The following POU6F2 variants were observed in gnomAD, a reference collection of about 807,000 sequenced individuals.
POU6F2 encodes POU domain, class 6, transcription factor 2.
In POU6F2, 31 loss-of-function variants were observed where a neutral mutation model predicts 71.3. That is an observed-to-expected ratio of 0.43 (90% confidence interval 0.33 to 0.59). The LOEUF is 0.59. Among genes scored for constraint, POU6F2 ranks in the 20% least tolerant of loss-of-function variants. The probability of loss-of-function intolerance (pLI) is 0.04; values close to 1 mark genes in which losing one functional copy is unlikely to be tolerated. For missense variants in POU6F2, 783 were observed against 856.8 expected, an observed-to-expected ratio of 0.91 and a Z score of 1.07; for synonymous variants, 347 against 355.7, an observed-to-expected ratio of 0.98 and a Z score of 0.27.
chr7:39,388,745 T>A (rs1787000337), intron 5 of POU6F2, among the ~76,000 whole-genome samples: 1 of 152,228 alleles, frequency 6.6e-6, no homozygotes, highest in South Asian at 2.1e-4. Flanking sequence ...TATTTTGCTG[T>A]CAAGTGCGTC....
intron 1 of POU6F2, among the ~76,000 whole-genome samples, chr7:38,992,378 C>T (rs936726920): frequency 8.5e-5 from 13 of 152,186 alleles, no homozygotes; most frequent in East Asian, 1.9e-4. Context: ...GGCTTCTCAG[C>T]CATGGTTCCT....
chr7:39,227,819 A>C (rs1482553216), intron 4 of POU6F2, among the ~76,000 whole-genome samples: 2 of 152,054 alleles, frequency 1.3e-5, no homozygotes, highest in Non-Finnish European at 2.9e-5. Flanking sequence ...GGCCTCCCAA[A>C]GTGCTGGGAT....
At chr7:39,085,585 T>A (rs147763699) in intron 1 of POU6F2, among the ~76,000 whole-genome samples, 1,627 of 152,192 alleles carry the variant, frequency 0.011, 34 homozygotes, top group African/African-American at 0.037. Flanking sequence ...AAGTTTTTTT[T>A]TTTTTTTTCC....
chr7:39,157,900 A>G (rs1377176633), intron 2 of POU6F2, among the ~76,000 whole-genome samples: 3 of 152,192 alleles, frequency 2.0e-5, no homozygotes, highest in Admixed American at 6.5e-5. Flanking sequence ...GTAAAAATGA[A>G]TGCTGGATGG....
intron 4 of POU6F2, among the ~76,000 whole-genome samples, chr7:39,269,467 G>T (rs1043099167): frequency 6.6e-6 from 1 of 152,216 alleles, no homozygotes; most frequent in African/African-American, 2.4e-5. Context: ...ACAGATGGTC[G>T]GCTGGGCGGC....
chr7:39,315,755 A>G (rs1785253165), intron 4 of POU6F2, among the ~76,000 whole-genome samples: 1 of 152,254 alleles, frequency 6.6e-6, no homozygotes, highest in Non-Finnish European at 1.5e-5. Flanking sequence ...AAAAGGAAAG[A>G]ATGAACACGT....
chr7:39,010,774 G>C (rs1290658180), intron 1 of POU6F2, among the ~76,000 whole-genome samples: 1 of 144,056 alleles, frequency 6.9e-6, no homozygotes, highest in East Asian at 2.0e-4. Flanking sequence ...CCTTCATTTC[G>C]TTATGTACCC....
rs1430980929 is a variant in POU6F2, at chr7:39,466,872, G to A, written c.*2186G>A. On this transcript the variant is annotated 3_prime_UTR_variant, in exon 10 of 10. Coordinates refer to ENST00000518318, the MANE Select transcript of POU6F2 (RefSeq NM_001370959.1). ...CCACCTCAAAAACTGCACAAACATG[G>A]ACAACCCAGAAACCCAAAACTTTAT... The A allele has an allele frequency of 6.6e-6, 1 of 152,264 alleles. No individual in the cohort carries two copies. The highest frequency in any genetic ancestry group is 1.5e-5 in the Non-Finnish European group (1 of 68,042). 9.4% of individuals were successfully genotyped at this position (152,264 alleles called of 1,614,324 possible). A position where few individuals can be genotyped will look rare whatever the true frequency, so the allele number is the denominator to read the frequency against.
chr7:39,077,977 G>A (rs1398663672), intron 1 of POU6F2, among the ~76,000 whole-genome samples: 3 of 152,164 alleles, frequency 2.0e-5, no homozygotes, highest in Admixed American at 6.5e-5. Flanking sequence ...CAGATGGCCT[G>A]GGGCAACACT....
At chr7:39,435,269 A>G (rs893246841) in intron 7 of POU6F2, among the ~76,000 whole-genome samples, 1 of 152,126 alleles carries the variant, frequency 6.6e-6, no homozygotes, top group Non-Finnish European at 1.5e-5. Flanking sequence ...ACATGTTCCT[A>G]TCTCTCCACA....
chr7:39,045,468 C>T (rs768041334), intron 1 of POU6F2, among the ~76,000 whole-genome samples: 16 of 151,808 alleles, frequency 1.1e-4, no homozygotes, highest in African/African-American at 1.5e-4. Context: ...ATCTGTTTGC[C>T]ATAAACCTTC....
At chr7:39,258,687 TTACTC>T (rs1023004367) in intron 4 of POU6F2, among the ~76,000 whole-genome samples, 1 of 147,206 alleles carries the variant, frequency 6.8e-6, no homozygotes, top group East Asian at 2.1e-4. Flanking sequence ...TTTTGGATTT[TTACTC>T]TAGATGTTTA....
At chr7:39,375,207 CAG>C (rs1337260740) in intron 5 of POU6F2, among the ~76,000 whole-genome samples, 3 of 152,114 alleles carry the variant, frequency 2.0e-5, no homozygotes, top group African/African-American at 4.8e-5. Context: ...TTTTTCCATT[CAG>C]GGGATTACAT....
chr7:39,155,147 A>T (rs1006520588), intron 2 of POU6F2, among the ~76,000 whole-genome samples: 1 of 152,006 alleles, frequency 6.6e-6, no homozygotes, highest in African/African-American at 2.4e-5. Context: ...GCAAAACAAG[A>T]TCAGATTAAA....
rs192309744 is a variant in POU6F2, at chr7:39,086,006, C to A, written c.252C>A (p.Ser84Arg). The change falls in exon 2 of 10, where the codon AGC (serine) becomes AGA (arginine). Residue 84 changes from serine (S) to arginine (R), a missense_variant. This residue lies in a region of POU6F2 where 572 missense variants were observed against 572.9 expected (regional missense o/e 1.00). Transcript: ENST00000518318. ...TTGCGCCTGTGGAATCAAATGACAG[C>A]GAGGACACTCCCAGCAAGCTCTTCG... is the stretch of plus-strand genomic sequence containing the variant. ...PLLAPVESND[S>R]EDTPSKLFGA... 2.5e-6 allele frequency: 4 copies of A among 1,613,506 alleles called. No individual in the cohort carries two copies. The highest frequency in any genetic ancestry group is 3.4e-6 in the Non-Finnish European group (4 of 1,179,754).
intron 5 of POU6F2, among the ~76,000 whole-genome samples, chr7:39,363,370 G>A (rs967699465): frequency 1.3e-5 from 2 of 152,062 alleles, no homozygotes; most frequent in Non-Finnish European, 2.9e-5. Flanking sequence ...GTTTGTGCAC[G>A]TTTTGTTCTT....
intron 2 of POU6F2, among the ~76,000 whole-genome samples, chr7:39,185,317 C>T (rs776345446): frequency 4.6e-5 from 7 of 152,148 alleles, no homozygotes; most frequent in Non-Finnish European, 8.8e-5. Context: ...AGGACAGCGC[C>T]ACTGGATTGT....
chr7:39,234,391 G>A (rs1018995236), intron 4 of POU6F2, among the ~76,000 whole-genome samples: 3 of 152,068 alleles, frequency 2.0e-5, no homozygotes, highest in Admixed American at 1.3e-4. Context: ...GGTGCCTCCT[G>A]GTATTGTGCA....
intron 4 of POU6F2, among the ~76,000 whole-genome samples, chr7:39,232,058 C>G (rs1258914838): frequency 6.6e-6 from 1 of 152,082 alleles, no homozygotes; most frequent in East Asian, 1.9e-4. Context: ...ATTTTCCCTG[C>G]ATTTCTTCTA....
Sources: allele counts gnomAD v4.1 joint callset (sites outside exome capture counted in the v4.1 genomes callset), GRCh38; gene constraint gnomAD v4.1.1; regional missense constraint gnomAD v4.1.1; transcripts MANE v1.5; gene names NCBI Gene and HGNC (gene_info 2026-07-23, HGNC 2026-07-21).